Variants in MLIP observed in about 807,000 individuals in gnomAD.
MLIP encodes the protein muscular LMNA-interacting protein.
MLIP carries 79 observed loss-of-function variants against 84.8 expected under a neutral mutation model. The ratio of observed to expected loss-of-function variants is 0.93; its 90% CI spans 0.78 to 1.12. The LOEUF (loss-of-function observed/expected upper bound fraction) is 1.12, where lower values mean the gene tolerates loss of function less well. Ranked by LOEUF, MLIP falls within the 50% of genes most tolerant of loss-of-function variation. The pLI is 0.00. For missense variants in MLIP, 1,257 were observed against 1,160.6 expected (o/e 1.08, Z -1.21); for synonymous variants, 504 against 463.0 (o/e 1.09, Z -1.14).
At chr6:54,135,674 C>T (rs1447672229) in intron 3 of MLIP, among the ~76,000 whole-genome samples, 2 of 151,858 alleles carry the variant, frequency 1.3e-5, no homozygotes, top group East Asian at 3.9e-4. Flanking sequence ...TTGATATTCC[C>T]TAAATTCTTT....
At chr6:54,231,005 T>C in intron 12 of MLIP, 88 bp downstream of exon 12, 1 of 1,067,458 alleles carries the variant, frequency 9.4e-7, no homozygotes, top group East Asian at 2.4e-5. Flanking sequence ...GGAGGAAACA[T>C]GTGTTAGGAA....
At chr6:54,128,358 A>G (rs1375804015) in intron 3 of MLIP, among the ~76,000 whole-genome samples, 1 of 152,182 alleles carries the variant, frequency 6.6e-6, no homozygotes, top group African/African-American at 2.4e-5. Flanking sequence ...GGAAGACAGG[A>G]TTCAAGCCAG....
chr6:54,213,726 A>AC (rs1272933355), intron 11 of MLIP, among the ~76,000 whole-genome samples: 2,897 of 133,752 alleles, frequency 0.022, 317 homozygotes, highest in African/African-American at 0.083. Context: ...AAAAAAAAAA[A>AC]AAAAAAAAAA....
At chr6:54,239,283 C>G (rs989140854) in intron 12 of MLIP, among the ~76,000 whole-genome samples, 24 of 150,852 alleles carry the variant, frequency 1.6e-4, no homozygotes, top group Non-Finnish European at 3.1e-4. Context: ...CCTTTAAGAT[C>G]TCTCACATAG....
chr6:54,121,371 A>G (rs1012925336), intron 1 of MLIP, 76 bp from the exon 2 acceptor site: 3 of 1,452,480 alleles, frequency 2.1e-6, no homozygotes, highest in African/African-American at 1.4e-5. Flanking sequence ...TGAGATAAAT[A>G]TCATGTCATA....
intron 9 of MLIP, among the ~76,000 whole-genome samples, chr6:54,188,923 CA>C (rs1777658338): frequency 6.6e-6 from 1 of 152,154 alleles, no homozygotes; most frequent in African/African-American, 2.4e-5. Flanking sequence ...CCAACAACAA[CA>C]AAAGCCAGAG....
chr6:54,047,779 T>G (rs1341228475), intron 1 of MLIP, among the ~76,000 whole-genome samples: 1 of 152,246 alleles, frequency 6.6e-6, no homozygotes, highest in Non-Finnish European at 1.5e-5. Context: ...TGACAGTTAC[T>G]GTGCTATGCA....
chr6:54,062,993 G>T (rs140813825), intron 1 of MLIP, among the ~76,000 whole-genome samples: 1 of 151,954 alleles, frequency 6.6e-6, no homozygotes, highest in African/African-American at 2.4e-5. Flanking sequence ...ACTTGAGGTC[G>T]CAGTTCGAGA....
Position 54,265,947 on chromosome 6 carries a change from C to T in MLIP, c.2977-3C>T, listed in dbSNP as rs372613525. The stretch of plus-strand genomic sequence containing the variant: ...CTGACTACCATATTCTCTTATTTTA[C>T]AGCAATGAAGTTGGAGCAGAGGCTG... On this transcript the variant is annotated splice_polypyrimidine_tract_variant and splice_region_variant and intron_variant, in intron 13 of 13. Coordinates refer to ENST00000502396, the MANE Select transcript of MLIP (RefSeq NM_001281747.2). 5 of 1,611,096 alleles carry T rather than the reference C, an allele frequency of 3.1e-6. No homozygotes were observed. The African/African-American group carries it at 5.4e-5, about 17-fold the overall frequency.
chr6:54,119,023 A>G (rs1017387868), intron 1 of MLIP, among the ~76,000 whole-genome samples: 7 of 152,234 alleles, frequency 4.6e-5, no homozygotes, highest in African/African-American at 1.4e-4. Context: ...TAGAATGGCT[A>G]TTATCAGAAA....
chr6:54,104,751 T>C (rs890231251), intron 1 of MLIP, among the ~76,000 whole-genome samples: 4 of 152,098 alleles, frequency 2.6e-5, no homozygotes, highest in Admixed American at 2.6e-4. Context: ...TTTCTTACAT[T>C]CATCAAATAT....
At chr6:54,051,864 A>ATG (rs1241172782) in intron 1 of MLIP, among the ~76,000 whole-genome samples, 3 of 152,146 alleles carry the variant, frequency 2.0e-5, no homozygotes, top group African/African-American at 7.2e-5. Flanking sequence ...AGCATTTTAC[A>ATG]TGTTTCCTTT....
At chr6:54,159,146 C>T (rs1342140037) in intron 5 of MLIP, among the ~76,000 whole-genome samples, 1 of 151,976 alleles carries the variant, frequency 6.6e-6, no homozygotes, top group African/African-American at 2.4e-5. Context: ...CTCCTGGGCT[C>T]AAGTGATCCT....
chr6:54,108,024 T>C (rs1433993044), upstream of MLIP, among the ~76,000 whole-genome samples: 1 of 152,220 alleles, frequency 6.6e-6, no homozygotes, highest in African/African-American at 2.4e-5. Context: ...GTATTATTTT[T>C]TTAAAAGCAA....
At chr6:54,157,735 G>A (rs1774182284) in intron 5 of MLIP, among the ~76,000 whole-genome samples, 1 of 151,986 alleles carries the variant, frequency 6.6e-6, no homozygotes, top group Admixed American at 6.6e-5. Context: ...ACCATGCCAG[G>A]AAAATATTAA....
intron 1 of MLIP, among the ~76,000 whole-genome samples, chr6:54,085,124 A>G (rs1767402209): frequency 6.6e-6 from 1 of 152,154 alleles, no homozygotes; most frequent in African/African-American, 2.4e-5. Flanking sequence ...GAGTTCCTTA[A>G]ATGGATAACT....
At chr6:54,071,275 A>G (rs1178421290) in intron 1 of MLIP, among the ~76,000 whole-genome samples, 2 of 152,158 alleles carry the variant, frequency 1.3e-5, no homozygotes, top group African/African-American at 2.4e-5. Flanking sequence ...TTTAATGAAC[A>G]TGACAAACTT....
intron 1 of MLIP, among the ~76,000 whole-genome samples, chr6:54,103,239 A>T (rs1392677168): frequency 6.6e-6 from 1 of 152,148 alleles, no homozygotes; most frequent in African/African-American, 2.4e-5. Context: ...GTTACTGAAC[A>T]TATGTATGTG....
chr6:54,148,802 G>C (rs768159331), intron 4 of MLIP, among the ~76,000 whole-genome samples: 1 of 152,072 alleles, frequency 6.6e-6, no homozygotes, highest in Non-Finnish European at 1.5e-5. Flanking sequence ...AAGTTTTTAA[G>C]CTCTGAAATG....
Sources: gnomAD v4.1 joint callset for allele counts (sites outside exome capture counted in the v4.1 genomes callset) on GRCh38, gnomAD v4.1.1 for gene constraint, MANE v1.5 for transcripts, NCBI Gene and HGNC (gene_info 2026-07-23, HGNC 2026-07-21) for gene names.